UNC79: variants seen among roughly 807,000 people sequenced by gnomAD.
The protein encoded by UNC79 is protein unc-79 homolog.
Under a neutral mutation model 283.1 loss-of-function variants are expected in UNC79, and 37 were observed. That is an observed-to-expected ratio of 0.13 (90% CI 0.10 to 0.17). UNC79 has a LOEUF of 0.17. Ranked by LOEUF, UNC79 falls within the 10% of genes least tolerant of loss-of-function variation. The pLI is 1.00. For missense variants in UNC79, 2,272 were observed against 3,211.1 expected, an observed-to-expected ratio of 0.71 and a Z score of 7.07; for synonymous variants, 1,107 against 1,200.2, an observed-to-expected ratio of 0.92 and a Z score of 1.61.
At chr14:93,567,745 A>G (rs866059246) in intron 14 of UNC79, among the ~76,000 whole-genome samples, 15 of 152,338 alleles carry the variant, frequency 9.8e-5, no homozygotes, top group African/African-American at 3.1e-4. Flanking sequence ...AATATCTGAG[A>G]TGGTCTCAGT....
chr14:93,385,717 T>G (rs1365725444), intron 1 of UNC79, among the ~76,000 whole-genome samples: 1 of 151,090 alleles, frequency 6.6e-6, no homozygotes, highest in African/African-American at 2.4e-5. Context: ...AGGTGGAGGT[T>G]GCAGTGAGCA....
intron 1 of UNC79, among the ~76,000 whole-genome samples, chr14:93,349,799 C>A (rs2053946210): frequency 2.0e-5 from 3 of 152,152 alleles, no homozygotes; most frequent in Admixed American, 1.3e-4. Flanking sequence ...GCAAAATGTC[C>A]TTGTGGTTAA....
chr14:93,493,283 G>C (rs755070435), intron 5 of UNC79, among the ~76,000 whole-genome samples: 6 of 152,138 alleles, frequency 3.9e-5, no homozygotes, highest in East Asian at 1.9e-4. Context: ...AACTCAGAGT[G>C]AGGGCTCCCT....
intron 31 of UNC79, among the ~76,000 whole-genome samples, chr14:93,633,104 A>G (rs543945165): frequency 1.3e-5 from 2 of 152,232 alleles, no homozygotes; most frequent in South Asian, 4.2e-4. Context: ...CTAAGTTTTA[A>G]ATTTGTTGCA....
chr14:93,670,810 C>T (rs537272961), intron 40 of UNC79, among the ~76,000 whole-genome samples: 1 of 152,302 alleles, frequency 6.6e-6, no homozygotes, highest in South Asian at 2.1e-4. Flanking sequence ...CTAATGCTAC[C>T]TAGGCTGCCA....
intron 14 of UNC79, among the ~76,000 whole-genome samples, chr14:93,550,585 T>G (rs2061842559): frequency 6.6e-6 from 1 of 151,354 alleles, no homozygotes; most frequent in Admixed American, 6.6e-5. Flanking sequence ...TTTACTACAT[T>G]TTACAAAATA....
At chr14:93,618,418 T>C (rs2066889512) in intron 29 of UNC79, 64 bp downstream of exon 30, 1 of 1,436,620 alleles carries the variant, frequency 7.0e-7, no homozygotes, top group African/African-American at 1.4e-5. Context: ...GACAATGTTT[T>C]CTTAGGAGAT....
intron 31 of UNC79, among the ~76,000 whole-genome samples, chr14:93,631,683 A>G (rs1276323046): frequency 6.6e-6 from 1 of 152,242 alleles, no homozygotes; most frequent in African/African-American, 2.4e-5. Flanking sequence ...AATAATTTTC[A>G]TTTGACCATC....
chr14:93,582,898 AC>A (rs1476046086), intron 20 of UNC79, among the ~76,000 whole-genome samples: 1 of 151,418 alleles, frequency 6.6e-6, no homozygotes, highest in African/African-American at 2.4e-5. Context: ...TCAGGATGTG[AC>A]CCCACGTGCC....
At chr14:93,532,273 C>G (rs2141070530) in intron 10 of UNC79, among the ~76,000 whole-genome samples, 1 of 148,464 alleles carries the variant, frequency 6.7e-6, no homozygotes, top group South Asian at 2.2e-4. Context: ...TGAAGAACAG[C>G]CTGAGAAACA....
upstream of UNC79, among the ~76,000 whole-genome samples, chr14:93,429,260 T>G (rs2140086007): frequency 6.6e-6 from 1 of 152,350 alleles, no homozygotes; most frequent in Non-Finnish European, 1.5e-5. Context: ...ATGCTTCACA[T>G]AATCATTTAT....
chr14:93,552,804 C>T (rs1003679563), intron 14 of UNC79, among the ~76,000 whole-genome samples: 3 of 152,060 alleles, frequency 2.0e-5, no homozygotes, highest in African/African-American at 7.2e-5. Context: ...TGCCTGCAAA[C>T]ACTTGTATGA....
At chr14:93,496,962 C>A (rs1166746999) in intron 6 of UNC79, among the ~76,000 whole-genome samples, 195 bp from the exon 7 acceptor site, 1 of 152,116 alleles carries the variant, frequency 6.6e-6, no homozygotes, top group Non-Finnish European at 1.5e-5. Flanking sequence ...ACAGAAGGAT[C>A]AGTAAATAAA....
exon 17 of UNC79, chr14:93,575,068 A>C: frequency 2.5e-6 from 4 of 1,611,712 alleles, no homozygotes; most frequent in Non-Finnish European, 3.4e-6. Context: ...GTATTATCGG[A>C]GTTAGATATC....
intron 45 of UNC79, 176 bp from the exon 49 acceptor site, chr14:93,691,573 A>C: frequency 1.5e-6 from 1 of 655,382 alleles, no homozygotes. Flanking sequence ...GGTGGAGAAG[A>C]GAGCACAGCA....
At chr14:93,506,182 G>C (rs1056630195) in intron 7 of UNC79, among the ~76,000 whole-genome samples, 1 of 149,860 alleles carries the variant, frequency 6.7e-6, no homozygotes, top group Non-Finnish European at 1.5e-5. Flanking sequence ...GAAAATGTTT[G>C]TTTTGCCTTT....
At chr14:93,603,349 G>C (rs867771484) in exon 26 of UNC79, 1 of 1,614,050 alleles carries the variant, frequency 6.2e-7, no homozygotes, top group South Asian at 1.1e-5. Context: ...TTCCCTGAGG[G>C]ACAGCGTGAA....
In UNC79 at chr14:93,381,154, A is replaced by G. The variant is rs151291902; in HGVS notation, c.-351+47631A>G. 6.9e-3 allele frequency among the ~76,000 whole-genome samples: 1,056 copies of G among 152,338 alleles called. 12 individuals carry two copies. The highest frequency in any genetic ancestry group is 0.051 in the Middle Eastern group (15 of 294). On this transcript the variant is annotated intron_variant, in intron 1 of 49. Transcript: ENST00000256339. ...AAAGGTACTAACTAGTTCCAGTTCT[A>G]AAGTGAGATGGAAGATCATGAAGCA...
chr14:93,398,457 T>C (rs2055041802), intron 1 of UNC79, among the ~76,000 whole-genome samples: 2 of 152,122 alleles, frequency 1.3e-5, no homozygotes, highest in Non-Finnish European at 2.9e-5. Context: ...TATAGAGGAA[T>C]TGAGAGAGCA....
Sources: gnomAD v4.1 joint callset for allele counts (sites outside exome capture counted in the v4.1 genomes callset) on GRCh38, gnomAD v4.1.1 for gene constraint, MANE v1.5 for transcripts, NCBI Gene and HGNC (gene_info 2026-07-23, HGNC 2026-07-21) for gene names.